The following ZDHHC15 variants were observed in gnomAD, a reference collection of about 807,000 sequenced individuals.
ZDHHC15 encodes zDHHC palmitoyltransferase 15, also known as palmitoyltransferase ZDHHC15.
ZDHHC15 carries 19 observed loss-of-function variants against 31.7 expected under a neutral mutation model. The ratio of observed to expected loss-of-function variants is 0.60; its 90% CI spans 0.42 to 0.88. The LOEUF is 0.88. Among genes scored for constraint, ZDHHC15 ranks in the 40% least tolerant of loss-of-function variants. The pLI is 0.00. For missense variants in ZDHHC15, 209 were observed against 251.2 expected (o/e 0.83, Z 1.14); for synonymous variants, 103 against 90.0 (o/e 1.14, Z -0.82).
At chrX:75,377,866 T>C (rs977304363) in intron 11 of ZDHHC15, among the ~76,000 whole-genome samples, 1 of 111,913 alleles carries the variant, frequency 8.9e-6, no homozygotes, top group Non-Finnish European at 1.9e-5. Flanking sequence ...TAGGGTTTTA[T>C]AAATTTATTT....
chrX:75,436,966 C>A (rs1212183222), intron 4 of ZDHHC15, among the ~76,000 whole-genome samples: 1 of 112,165 alleles, frequency 8.9e-6, no homozygotes, highest in Non-Finnish European at 1.9e-5. Flanking sequence ...ACTGCAAGCT[C>A]TGCCTCCTGG....
rs760249969 is a variant in ZDHHC15, at chrX:75,491,378, A to C, written c.164-12393T>G. 3.7e-3 allele frequency among the ~76,000 whole-genome samples: 395 copies of C among 105,977 alleles called. 3 individuals are homozygous for C. The highest frequency in any genetic ancestry group is 0.013 in the African/African-American group (376 of 29,054). The allele number at this position is 105,977 out of a possible 115,157, so 92.0% of individuals were successfully genotyped here. A position where few individuals can be genotyped will look rare whatever the true frequency, so the allele number is the denominator to read the frequency against. On this transcript the variant is annotated intron_variant, in intron 2 of 11. Coordinates refer to ENST00000373367, the MANE Select transcript of ZDHHC15 (RefSeq NM_144969.3). ...ATTCTCAGTAAACTATCGCAAGAAC[A>C]AAAAACCAAACACCGCATATTCTCA...
At chrX:75,428,856 T>G (rs868432427) in intron 7 of ZDHHC15, among the ~76,000 whole-genome samples, 48 of 111,913 alleles carry the variant, frequency 4.3e-4, no homozygotes, top group African/African-American at 1.5e-3. Flanking sequence ...TTAGCAAGAT[T>G]CTCGTGTATG....
At chrX:75,468,945 A>G (rs970455626) in intron 3 of ZDHHC15, among the ~76,000 whole-genome samples, 1 of 111,745 alleles carries the variant, frequency 8.9e-6, no homozygotes, top group East Asian at 2.8e-4. Context: ...GAAATTCTTG[A>G]TATATTCTGA....
intron 5 of ZDHHC15, among the ~76,000 whole-genome samples, chrX:75,431,102 T>G (rs1002869149): frequency 1.8e-5 from 2 of 112,049 alleles, no homozygotes; most frequent in Non-Finnish European, 3.8e-5. Flanking sequence ...AAATAATGTA[T>G]CAGTATTAGT....
intron 1 of ZDHHC15, among the ~76,000 whole-genome samples, chrX:75,513,382 G>T (rs983087647): frequency 6.7e-4 from 75 of 111,798 alleles, no homozygotes; most frequent in Non-Finnish European, 1.1e-3. Context: ...CTAATGAGCT[G>T]GCAAAAACTG....
At chrX:75,412,816 A>G (rs2083500774) in intron 10 of ZDHHC15, among the ~76,000 whole-genome samples, 1 of 111,977 alleles carries the variant, frequency 8.9e-6, no homozygotes, top group African/African-American at 3.2e-5. Context: ...GGTATAAGCC[A>G]GACACAGAAA....
chrX:75,416,058 A>G (rs973138180), intron 10 of ZDHHC15, among the ~76,000 whole-genome samples: 6 of 112,396 alleles, frequency 5.3e-5, no homozygotes, highest in Non-Finnish European at 9.4e-5. Context: ...CAATTTTCCA[A>G]TAGTCAGCAG....
intron 2 of ZDHHC15, among the ~76,000 whole-genome samples, chrX:75,498,633 T>C (rs906061913): frequency 8.9e-6 from 1 of 111,752 alleles, no homozygotes; most frequent in African/African-American, 3.3e-5. Context: ...AAAGAAGTCA[T>C]AGATGACACA....
In ZDHHC15 at chrX:75,465,399, T is replaced by G. The variant is rs948453894; in HGVS notation, c.258+13492A>C. Among the ~76,000 whole-genome samples the G allele has an allele frequency of 7.1e-5, 8 of 112,017 alleles. No individual in the cohort carries two copies. In the East Asian group the frequency reaches 2.0e-3, roughly 27 times the overall value. ...AAACTGCCCAAAGTAATTTATGGATTGAATGCTATTCCCATTAAACTATCA... is the reference window on the plus strand; with the variant it reads ...AAACTGCCCAAAGTAATTTATGGATGGAATGCTATTCCCATTAAACTATCA... On this transcript the variant is annotated intron_variant, in intron 3 of 11. Coordinates refer to ENST00000373367, the MANE Select transcript of ZDHHC15 (RefSeq NM_144969.3).
At chrX:75,521,522 C>T (rs1005994060) in intron 1 of ZDHHC15, among the ~76,000 whole-genome samples, 1 of 110,409 alleles carries the variant, frequency 9.1e-6, no homozygotes, top group African/African-American at 3.3e-5. Context: ...GGGTTTGTGT[C>T]GGGAAATATT....
intron 3 of ZDHHC15, among the ~76,000 whole-genome samples, chrX:75,473,134 G>T (rs1381064950): frequency 1.8e-5 from 2 of 111,778 alleles, no homozygotes; most frequent in Non-Finnish European, 3.8e-5. Flanking sequence ...GAGGCAGTGG[G>T]CTCATGCTCA....
At chrX:75,496,011 A>G (rs2084991505) in intron 2 of ZDHHC15, among the ~76,000 whole-genome samples, 1 of 110,955 alleles carries the variant, frequency 9.0e-6, no homozygotes, top group Non-Finnish European at 1.9e-5. Context: ...TCTCAATACT[A>G]AAGTTGAATA....
intron 2 of ZDHHC15, among the ~76,000 whole-genome samples, chrX:75,493,031 G>A (rs137987096): frequency 2.6e-3 from 287 of 111,386 alleles, no homozygotes; most frequent in Admixed American, 5.2e-3. Context: ...TTGATAGACC[G>A]CTAGCAAGAC....
At chrX:75,374,075 G>GAT (rs891321607) in intron 11 of ZDHHC15, among the ~76,000 whole-genome samples, 3 of 108,153 alleles carry the variant, frequency 2.8e-5, no homozygotes, top group Admixed American at 1.0e-4. Flanking sequence ...AGCTTCCACA[G>GAT]ATAAGTGGAC....
chrX:75,515,178 C>T (rs1305479414), intron 1 of ZDHHC15, among the ~76,000 whole-genome samples: 6 of 111,515 alleles, frequency 5.4e-5, no homozygotes, highest in Admixed American at 3.8e-4. Context: ...TCTTCTGAAA[C>T]TACTCCAATA....
chrX:75,473,963 A>C (rs956729899), intron 3 of ZDHHC15, among the ~76,000 whole-genome samples: 3 of 111,540 alleles, frequency 2.7e-5, no homozygotes, highest in African/African-American at 9.8e-5. Flanking sequence ...CATGTCAGGC[A>C]TAATTATGAC....
At chrX:75,387,462 A>G (rs1204530009) in intron 10 of ZDHHC15, among the ~76,000 whole-genome samples, 1 of 112,080 alleles carries the variant, frequency 8.9e-6, no homozygotes, top group Non-Finnish European at 1.9e-5. Context: ...AGAAATAGTT[A>G]ATAAAAAATT....
At position 75,450,807 on chromosome X, in the gene ZDHHC15, C is replaced by T; in HGVS notation, c.374G>A (p.Ser125Asn). ...KKLPVYTRTG[S>N]GAVRFCDRCH... Reference sequence around the variant, plus strand: ...CTGCCTTTGGATGAACTGACCTCCACTTCCAGTTCTTGTGTAAACCGGTAG... The same window carrying T: ...CTGCCTTTGGATGAACTGACCTCCATTTCCAGTTCTTGTGTAAACCGGTAG... Residue 125 changes from serine (S) to asparagine (N), a missense_variant, in exon 4 of 12, where the codon AGT becomes AAT. Coordinates refer to ENST00000373367, the MANE Select transcript of ZDHHC15 (RefSeq NM_144969.3). 1.7e-6 allele frequency: 2 copies of T among 1,210,896 alleles called. No homozygotes were observed. Among genetic ancestry groups the T allele is most frequent in the East Asian group, 3.0e-5 (1 of 33,817 alleles).
Sources: allele counts gnomAD v4.1 joint callset (sites outside exome capture counted in the v4.1 genomes callset), GRCh38; gene constraint gnomAD v4.1.1; transcripts MANE v1.5; gene names NCBI Gene and HGNC (gene_info 2026-07-23, HGNC 2026-07-21).